DISC1: variants seen among roughly 807,000 people sequenced by gnomAD.
The protein encoded by DISC1 is DISC1 scaffold protein, also known as disrupted in schizophrenia 1 protein.
Under a neutral mutation model 84.5 loss-of-function variants are expected in DISC1, and 57 were observed. The ratio of observed to expected loss-of-function variants is 0.67; its 90% CI spans 0.55 to 0.84. The LOEUF (loss-of-function observed/expected upper bound fraction) is 0.84, where lower values mean the gene tolerates loss of function less well. DISC1 is among the 40% of genes least tolerant of loss of function. The probability of loss-of-function intolerance (pLI) is 0.00; values close to 1 mark genes in which losing one functional copy is unlikely to be tolerated. For synonymous variants in DISC1, 411 were observed against 415.2 expected (o/e 0.99, Z 0.12); for missense variants, 1,000 against 1,057.8 (o/e 0.95, Z 0.76).
At chr1:232,018,160 A>G (rs991627557) in intron 11 of DISC1, among the ~76,000 whole-genome samples, 1 of 152,254 alleles carries the variant, frequency 6.6e-6, no homozygotes, top group Non-Finnish European at 1.5e-5. Context: ...TTCAGAATAG[A>G]AATAATAAAT....
chr1:231,739,734 TAATA>T (rs2072999659), intron 3 of DISC1, among the ~76,000 whole-genome samples: 3 of 152,284 alleles, frequency 2.0e-5, no homozygotes, highest in Admixed American at 2.0e-4. Context: ...ACAGATGAAA[TAATA>T]AATAAACATG....
At chr1:231,913,244 A>G (rs1238200250) in intron 9 of DISC1, among the ~76,000 whole-genome samples, 1 of 152,112 alleles carries the variant, frequency 6.6e-6, no homozygotes, top group East Asian at 1.9e-4. Context: ...CATCTTTGCC[A>G]TCTAGCTTGC....
chr1:231,884,553 T>C (rs1186269417), intron 9 of DISC1, among the ~76,000 whole-genome samples: 1 of 146,182 alleles, frequency 6.8e-6, no homozygotes, highest in Non-Finnish European at 1.5e-5. Flanking sequence ...AGTGCTGCAA[T>C]GAACATACGC....
chr1:231,984,031 G>T (rs774310807), intron 10 of DISC1, among the ~76,000 whole-genome samples: 1 of 152,204 alleles, frequency 6.6e-6, no homozygotes, highest in Non-Finnish European at 1.5e-5. Context: ...ATGCTAGTGC[G>T]GCATGGGGCC....
intron 9 of DISC1, among the ~76,000 whole-genome samples, chr1:231,831,430 C>T (rs900443495): frequency 1.3e-5 from 2 of 152,124 alleles, no homozygotes; most frequent in Non-Finnish European, 2.9e-5. Flanking sequence ...GAACCATTTG[C>T]CTTGTGTGGG....
At chr1:231,732,449 C>G (rs1347992233) in intron 3 of DISC1, among the ~76,000 whole-genome samples, 1 of 152,122 alleles carries the variant, frequency 6.6e-6, no homozygotes, top group Admixed American at 6.5e-5. Flanking sequence ...TCTTTCATTT[C>G]TGAAACTGGA....
intron 9 of DISC1, among the ~76,000 whole-genome samples, chr1:231,902,632 C>A (rs1571929749): frequency 6.6e-6 from 1 of 151,854 alleles, no homozygotes; most frequent in Admixed American, 6.6e-5. Flanking sequence ...ATCTTAGTGT[C>A]CTGGGGCTGC....
At chr1:231,934,712 A>C (rs543123768) in intron 9 of DISC1, among the ~76,000 whole-genome samples, 18 of 152,346 alleles carry the variant, frequency 1.2e-4, no homozygotes, top group African/African-American at 3.8e-4. Flanking sequence ...ATTATTGGAA[A>C]TGCATATTCT....
At chr1:231,727,448 G>A (rs1377477702) in intron 3 of DISC1, among the ~76,000 whole-genome samples, 1 of 152,084 alleles carries the variant, frequency 6.6e-6, no homozygotes, top group Non-Finnish European at 1.5e-5. Flanking sequence ...TTTAGGACAG[G>A]GGGCAGGGAT....
At chr1:231,804,251 T>G (rs746458595) in intron 8 of DISC1, among the ~76,000 whole-genome samples, 1 of 152,184 alleles carries the variant, frequency 6.6e-6, no homozygotes, top group Non-Finnish European at 1.5e-5. Context: ...TCAAAGAGTT[T>G]CAGTGCCATG....
intron 3 of DISC1, chr1:231,724,213 T>A: frequency 3.9e-6 from 1 of 257,502 alleles, no homozygotes; most frequent in Non-Finnish European, 6.1e-6. Context: ...GGCTGTCTCC[T>A]GGGATGCCCA....
At chr1:231,742,622 A>T (rs566875926) in intron 3 of DISC1, among the ~76,000 whole-genome samples, 2 of 152,314 alleles carry the variant, frequency 1.3e-5, no homozygotes, top group South Asian at 2.1e-4. Flanking sequence ...AAAAAAATTT[A>T]AAAAGCAGAG....
intron 9 of DISC1, among the ~76,000 whole-genome samples, chr1:231,868,093 A>T (rs1251735629): frequency 1.3e-5 from 2 of 152,244 alleles, no homozygotes; most frequent in East Asian, 3.8e-4. Flanking sequence ...ACTCAGAGGC[A>T]TAAAAAAATA....
chr1:231,709,191 G>T lies in DISC1; in HGVS notation c.1117+7167G>T, dbSNP rs533534759. On this transcript the variant is annotated intron_variant, in intron 3 of 12. Transcript: ENST00000439617. ...ATAGCCAATAGTGACTTTGAGCATT[G>T]CCCATTTGTGTTTGCAGGTCTAAGT... Among the ~76,000 whole-genome samples the T allele has an allele frequency of 5.3e-5, 8 of 152,296 alleles. 2 individuals carry two copies. The highest frequency in any genetic ancestry group is 1.9e-4 in the African/African-American group (8 of 41,570).
chr1:231,960,830 A>G (rs925315046), intron 10 of DISC1, among the ~76,000 whole-genome samples: 5 of 152,364 alleles, frequency 3.3e-5, no homozygotes, highest in Non-Finnish European at 4.4e-5. Flanking sequence ...TACAATGCCA[A>G]TGGCAAGCCC....
chr1:232,003,810 A>G (rs1370062055), intron 10 of DISC1, among the ~76,000 whole-genome samples: 1 of 152,052 alleles, frequency 6.6e-6, no homozygotes, highest in Non-Finnish European at 1.5e-5. Context: ...ACGAAAAAAC[A>G]TATCACTATA....
intron 1 of DISC1, among the ~76,000 whole-genome samples, chr1:231,677,034 G>A (rs1197195106): frequency 6.6e-6 from 1 of 152,208 alleles, no homozygotes; most frequent in East Asian, 1.9e-4. Context: ...TGTTAAAGTA[G>A]TGTCTGGTCA....
intron 3 of DISC1, among the ~76,000 whole-genome samples, chr1:231,713,224 A>G (rs931905593): frequency 2.0e-5 from 3 of 152,224 alleles, no homozygotes; most frequent in African/African-American, 7.2e-5. Context: ...TAAGTGCCCA[A>G]TGTTCAACAA....
chr1:231,664,039 T>TATCCAACC (rs1553299104), intron 1 of DISC1, among the ~76,000 whole-genome samples: 1 of 146,312 alleles, frequency 6.8e-6, no homozygotes, highest in African/African-American at 2.5e-5. Context: ...TCCATCTATC[T>TATCCAACC]ATCCATCCAT....
Sources: allele counts gnomAD v4.1 joint callset (sites outside exome capture counted in the v4.1 genomes callset), GRCh38; gene constraint gnomAD v4.1.1; transcripts MANE v1.5; gene names NCBI Gene and HGNC (gene_info 2026-07-23, HGNC 2026-07-21).